Variants in PCSK1N observed in about 807,000 individuals in gnomAD.
The protein encoded by PCSK1N is proprotein convertase subtilisin/kexin type 1 inhibitor, also known as proSAAS.
A neutral mutation model predicts 10.6 loss-of-function variants in PCSK1N; 8 were observed. That is an observed-to-expected ratio of 0.76 (90% CI 0.44 to 1.37). The LOEUF (loss-of-function observed/expected upper bound fraction) is 1.37, where lower values mean the gene tolerates loss of function less well. Ranked by LOEUF, PCSK1N falls within the 40% of genes most tolerant of loss-of-function variation. The pLI, the probability that PCSK1N is intolerant of heterozygous loss-of-function variation, is 0.00. For synonymous variants in PCSK1N, 143 were observed against 137.1 expected, an observed-to-expected ratio of 1.04 and a Z score of -0.30; for missense variants, 301 against 268.5, an observed-to-expected ratio of 1.12 and a Z score of -0.84.
Position 48,835,470 on chromosome X carries a change from C to T in PCSK1N, c.63G>A (p.Leu21=). The change falls in exon 1 of 3, where the codon CTG becomes CTA. Residue 21 remains leucine, a synonymous_variant. Coordinates refer to ENST00000218230, the MANE Select transcript of PCSK1N (RefSeq NM_013271.5). ...RAGGVGLLVL[L]LLGLFRPPPA... ...GGGGCGGCCGAAACAGGCCGAGCAG[C>T]AGCAGCACCAAAAGGCCGACGCCCC... 1 of 971,500 alleles carries T rather than the reference C, an allele frequency of 1.0e-6. No individual in the cohort carries two copies. Among genetic ancestry groups the T allele is most frequent in the Non-Finnish European group, 1.3e-6 (1 of 772,685 alleles). 80.1% of individuals were successfully genotyped at this position (971,500 alleles called of 1,213,427 possible). A position where few individuals can be genotyped will look rare whatever the true frequency, so the allele number is the denominator to read the frequency against.
Position 48,831,441 on chromosome X carries a change from C to A in PCSK1N, c.602G>T (p.Arg201Leu), listed in dbSNP as rs781845314. Residue 201 changes from arginine to leucine, a missense_variant, in exon 3 of 3, where the codon CGG becomes CTG. Transcript: ENST00000218230. ...GGAGTCCGCGCTTCCCGCAAGAATCCGTCCCAGCAAGTACCTGCAGGGCCG... is the reference window on the plus strand; with the variant it reads ...GGAGTCCGCGCTTCCCGCAAGAATCAGTCCCAGCAAGTACCTGCAGGGCCG... The part of the protein sequence containing the change: ...DPELLRYLLG[R>L]ILAGSADSEG... 5 of 1,074,857 alleles carry A rather than the reference C, an allele frequency of 4.7e-6. No homozygotes were observed. Among genetic ancestry groups the A allele is most frequent in the Non-Finnish European group, 6.0e-6 (5 of 835,295 alleles). 88.6% of individuals were successfully genotyped at this position (1,074,857 alleles called of 1,213,427 possible). A position where few individuals can be genotyped will look rare whatever the true frequency, so the allele number is the denominator to read the frequency against.
chrX:48,832,633 G>A (rs941488892), intron 1 of PCSK1N, among the ~76,000 whole-genome samples: 4 of 100,988 alleles, frequency 4.0e-5, no homozygotes, highest in Non-Finnish European at 7.9e-5. Context: ...TGGAGACCGA[G>A]TTTCTTCATA....
intron 2 of PCSK1N, among the ~76,000 whole-genome samples, 186 bp from the exon 3 acceptor site, chrX:48,831,641 A>G (rs1346733702): frequency 1.8e-5 from 2 of 111,760 alleles, no homozygotes; most frequent in African/African-American, 6.5e-5. Flanking sequence ...ATCCCAGAAA[A>G]CTGTGGCTTC....
At chrX:48,831,544 A>T (rs1168312976) in intron 2 of PCSK1N, 89 bp from the exon 3 acceptor site, 6 of 707,467 alleles carry the variant, frequency 8.5e-6, no homozygotes, top group Non-Finnish European at 1.2e-5. Context: ...CAGGATCCAC[A>T]ACCACATACT....
At position 48,835,586 on chromosome X, in the gene PCSK1N, T is replaced by C. The variant is rs1270840917; in HGVS notation, c.-54A>G. 23 of 515,732 alleles carry C rather than the reference T, an allele frequency of 4.5e-5. No homozygotes were observed. The highest frequency in any genetic ancestry group is 6.7e-5 in the Admixed American group (1 of 14,924). The allele number at this position is 515,732 out of a possible 1,213,427, so 42.5% of individuals were successfully genotyped here. A position where few individuals can be genotyped will look rare whatever the true frequency, so the allele number is the denominator to read the frequency against. ...GGCGGACTGGCTGGCAAGTGCGCAG[T>C]GCCGGGGCGAGCTGGCGAGGCTGCG... is the stretch of plus-strand genomic sequence containing the variant. On this transcript the variant is annotated 5_prime_UTR_variant, in exon 1 of 3. Coordinates refer to ENST00000218230, the MANE Select transcript of PCSK1N (RefSeq NM_013271.5).
At chrX:48,833,988 G>A (rs1322106876) in intron 1 of PCSK1N, among the ~76,000 whole-genome samples, 1 of 111,646 alleles carries the variant, frequency 9.0e-6, no homozygotes, top group Admixed American at 9.6e-5. Flanking sequence ...TAGTGACTAC[G>A]AGGAACCAGT....
rs2063184628 is a variant in PCSK1N at position 48,835,595 on chromosome X, G to C, written c.-63C>G. On this transcript the variant is annotated 5_prime_UTR_variant, in exon 1 of 3. Coordinates refer to ENST00000218230, the MANE Select transcript of PCSK1N (RefSeq NM_013271.5). ...GCTGGCAAGTGCGCAGTGCCGGGGC[G>C]AGCTGGCGAGGCTGCGGCGCTCTGC... 1 of 461,804 alleles carries C rather than the reference G, an allele frequency of 2.2e-6. No homozygotes were observed. Among genetic ancestry groups the C allele is most frequent in the Non-Finnish European group, 3.0e-6 (1 of 331,506 alleles). 38.1% of individuals were successfully genotyped at this position (461,804 alleles called of 1,213,427 possible). A position where few individuals can be genotyped will look rare whatever the true frequency, so the allele number is the denominator to read the frequency against.
chrX:48,832,201 G>C lies in PCSK1N; in HGVS notation c.255C>G (p.Ala85=). 9 of 1,159,069 alleles carry C rather than the reference G, an allele frequency of 7.8e-6. No individual in the cohort carries two copies. Among genetic ancestry groups the C allele is most frequent in the Non-Finnish European group, 8.0e-6 (7 of 875,187 alleles). ...LARALAHLLE[A]ERQERARAEA... ...CGGCCCGCGCCCGCTCCTGACGTTC[G>C]GCCTCCAGCAGATGCGCCAGCGCCC... The change falls in exon 2 of 3, where the codon GCC becomes GCG. Residue 85 remains alanine, a synonymous_variant. Coordinates refer to ENST00000218230, the MANE Select transcript of PCSK1N (RefSeq NM_013271.5).
In PCSK1N at chrX:48,831,128, G is replaced by A. The variant is rs1557033280; in HGVS notation, c.*132C>T. 4 of 505,792 alleles carry A rather than the reference G, an allele frequency of 7.9e-6. No individual in the cohort carries two copies. In the Admixed American group the frequency reaches 1.3e-4, roughly 16 times the overall value. The allele number at this position is 505,792 out of a possible 1,213,427, so 41.7% of individuals were successfully genotyped here. On this transcript the variant is annotated 3_prime_UTR_variant, in exon 3 of 3. Coordinates refer to ENST00000218230, the MANE Select transcript of PCSK1N (RefSeq NM_013271.5). ...GATCATGTTTATTGTGGGGCCAGGGGGTAGGGATCCTCGGGTGAGAGGGCT... is the reference window on the plus strand; with the variant it reads ...GATCATGTTTATTGTGGGGCCAGGGAGTAGGGATCCTCGGGTGAGAGGGCT...
At chrX:48,834,530 T>C (rs2063181262) in intron 1 of PCSK1N, 1 of 747,909 alleles carries the variant, frequency 1.3e-6, no homozygotes, top group Non-Finnish European at 1.6e-6. Context: ...CACGTTCACA[T>C]CCGCAGCTGC....
At chrX:48,832,386 C>A in intron 1 of PCSK1N, 45 bp from the exon 2 acceptor site, 1 of 1,007,094 alleles carries the variant, frequency 9.9e-7, no homozygotes, top group East Asian at 3.8e-5. Flanking sequence ...CAGCGTCCGT[C>A]GAGACAGGGA....
In PCSK1N at chrX:48,831,486, G is replaced by T; in HGVS notation, c.588-31C>A. Reference sequence around the variant, plus strand: ...GGGCCGAGCGCAAAGCAGTGAGGCGGTGTCCGCGGTGGGGCGTTCCCCCGC... The same window carrying T: ...GGGCCGAGCGCAAAGCAGTGAGGCGTTGTCCGCGGTGGGGCGTTCCCCCGC... On this transcript the variant is annotated intron_variant, in intron 2 of 2. Coordinates refer to ENST00000218230, the MANE Select transcript of PCSK1N (RefSeq NM_013271.5). The T allele has an allele frequency of 3.0e-6, 3 of 1,003,354 alleles. No individual in the cohort carries two copies. The South Asian group carries it at 8.0e-5, about 27-fold the overall frequency. The allele number at this position is 1,003,354 out of a possible 1,213,427, so 82.7% of individuals were successfully genotyped here. A position where few individuals can be genotyped will look rare whatever the true frequency, so the allele number is the denominator to read the frequency against.
chrX:48,832,319 G>C lies in PCSK1N; in HGVS notation c.137C>G (p.Ala46Gly). ...GCCAGTCTCAGCCAAGGGCGGAGAC[G>C]CTGCGCTTAGGCCGCGGGGCTCCTG... ...PVKEPRGLSA[A>G]SPPLAETGAP... Residue 46 changes from alanine (A) to glycine (G), a missense_variant, in exon 2 of 3, where the codon GCG (alanine) becomes GGG (glycine). Coordinates refer to ENST00000218230, the MANE Select transcript of PCSK1N (RefSeq NM_013271.5). 3.5e-6 allele frequency: 4 copies of C among 1,132,813 alleles called. No homozygotes were observed. The highest frequency in any genetic ancestry group is 3.5e-6 in the Non-Finnish European group (3 of 856,850). 93.4% of individuals were successfully genotyped at this position (1,132,813 alleles called of 1,213,427 possible).
In PCSK1N at chrX:48,831,929, G is replaced by A; in HGVS notation, c.527C>T (p.Ala176Val). ...GCCTGCCTCCTCAGCATCCGGGCCCGCGGGGCCGTCGTCGTAGACCGGGGG... is the reference window on the plus strand; with the variant it reads ...GCCTGCCTCCTCAGCATCCGGGCCCACGGGGCCGTCGTCGTAGACCGGGGG... The part of the protein sequence containing the change: ...PRPPVYDDGP[A>V]GPDAEEAGDE... The change falls in exon 2 of 3, where the codon GCG (alanine) becomes GTG (valine). Residue 176 changes from alanine (A) to valine (V), a missense_variant. Physicochemically the swap from Ala to Val is moderately conservative, Grantham distance 64. Transcript: ENST00000218230. 1 of 1,082,306 alleles carries A rather than the reference G, an allele frequency of 9.2e-7. No individual in the cohort carries two copies. Among genetic ancestry groups the A allele is most frequent in the Admixed American group, 3.6e-5 (1 of 27,831 alleles). 89.2% of individuals were successfully genotyped at this position (1,082,306 alleles called of 1,213,427 possible).
At chrX:48,833,980 G>GT (rs782234445) in intron 1 of PCSK1N, among the ~76,000 whole-genome samples, 26 of 111,710 alleles carry the variant, frequency 2.3e-4, no homozygotes, top group Non-Finnish European at 4.7e-4. Flanking sequence ...GTGACCCCTA[G>GT]TGACTACGAG....
Position 48,835,565 on chromosome X carries a change from G to T in PCSK1N, c.-33C>A. 1.4e-6 allele frequency: 1 copy of T among 701,357 alleles called. No individual in the cohort carries two copies. The highest frequency in any genetic ancestry group is 1.8e-6 in the Non-Finnish European group (1 of 544,764). 57.8% of individuals were successfully genotyped at this position (701,357 alleles called of 1,213,427 possible). The stretch of plus-strand genomic sequence containing the variant: ...CAGCGAGCCGGGCTCCGGACGGGCG[G>T]ACTGGCTGGCAAGTGCGCAGTGCCG... On this transcript the variant is annotated 5_prime_UTR_variant, in exon 1 of 3. Coordinates refer to ENST00000218230, the MANE Select transcript of PCSK1N (RefSeq NM_013271.5).
chrX:48,831,485 G>A (rs1037597459), intron 2 of PCSK1N, 30 bp from the exon 3 acceptor site: 3 of 1,000,997 alleles, frequency 3.0e-6, no homozygotes, highest in South Asian at 2.7e-5. Context: ...GCAGTGAGGC[G>A]GTGTCCGCGG....
intron 1 of PCSK1N, among the ~76,000 whole-genome samples, chrX:48,834,291 A>G (rs1220048100): frequency 9.0e-6 from 1 of 111,143 alleles, no homozygotes; most frequent in Non-Finnish European, 1.9e-5. Flanking sequence ...TGTTACACGG[A>G]TATAAGGTAA....
In PCSK1N at chrX:48,832,263, G is replaced by C. The variant is rs1926845112; in HGVS notation, c.193C>G (p.Arg65Gly). The C allele has an allele frequency of 5.2e-6, 6 of 1,150,450 alleles. No individual in the cohort carries two copies. Among genetic ancestry groups the C allele is most frequent in the South Asian group, 1.9e-5 (1 of 52,074 alleles). The allele number at this position is 1,150,450 out of a possible 1,213,427, so 94.8% of individuals were successfully genotyped here. Reference sequence around the variant, plus strand: ...TGCACCGCCCCCGCCGCCTCACCTCGGGGCACTGACCGCCGGAAGCGGCGA... The same window carrying C: ...TGCACCGCCCCCGCCGCCTCACCTCCGGGCACTGACCGCCGGAAGCGGCGA... ...APRRFRRSVP[R>G]GEAAGAVQEL... The change falls in exon 2 of 3, where the codon CGA becomes GGA. Residue 65 changes from arginine to glycine, a missense_variant. By Grantham distance (125) the Arg-to-Gly change is moderately radical (BLOSUM62 -2). Coordinates refer to ENST00000218230, the MANE Select transcript of PCSK1N (RefSeq NM_013271.5).
Sources: gnomAD v4.1 joint callset for allele counts (sites outside exome capture counted in the v4.1 genomes callset) on GRCh38, gnomAD v4.1.1 for gene constraint, MANE v1.5 for transcripts, NCBI Gene and HGNC (gene_info 2026-07-23, HGNC 2026-07-21) for gene names.